CPS1: variants seen among roughly 807,000 people sequenced by gnomAD.
CPS1 encodes carbamoyl-phosphate synthase 1.
A neutral mutation model predicts 174.6 loss-of-function variants in CPS1; 109 were observed. The ratio of observed to expected loss-of-function variants is 0.62; its 90% CI spans 0.53 to 0.73. The LOEUF (loss-of-function observed/expected upper bound fraction) is 0.73, where lower values mean the gene tolerates loss of function less well. Among genes scored for constraint, CPS1 ranks in the 30% least tolerant of loss-of-function variants. The probability of loss-of-function intolerance (pLI) is 0.00; values close to 1 mark genes in which losing one functional copy is unlikely to be tolerated. For synonymous variants in CPS1, 637 were observed against 632.0 expected, an observed-to-expected ratio of 1.01 and a Z score of -0.12; for missense variants, 1,689 against 1,821.9, an observed-to-expected ratio of 0.93 and a Z score of 1.33.
intron 22 of CPS1, among the ~76,000 whole-genome samples, chr2:210,638,304 A>C (rs1221501077): frequency 6.6e-6 from 1 of 152,156 alleles, no homozygotes; most frequent in Non-Finnish European, 1.5e-5. Flanking sequence ...TGGTTCATTT[A>C]GTATTCATTG....
chr2:210,491,307 G>GTTTTTTT lies in CPS1; in HGVS notation c.3+13566_3+13572dup, dbSNP rs66825517. On this transcript the variant is annotated intron_variant, in intron 1 of 38. Coordinates refer to the CPS1 transcript ENST00000430249. The stretch of plus-strand genomic sequence containing the variant: ...GTAAAAGCATGTATTTGGTATCTGT[G>GTTTTTTT]TTTTTTTTTTTTTTTTTTTTTTTTT... Among the ~76,000 whole-genome samples the GTTTTTTT allele has an allele frequency of 1.6e-3, 79 of 50,352 alleles. 14 individuals are homozygous for GTTTTTTT. Among genetic ancestry groups the GTTTTTTT allele is most frequent in the African/African-American group, 7.0e-3 (70 of 9,980 alleles). The allele number at this position is 50,352 out of a possible 152,430, so 33.0% of individuals were successfully genotyped here. A position where few individuals can be genotyped will look rare whatever the true frequency, so the allele number is the denominator to read the frequency against.
At chr2:210,531,018 A>T (rs1359214844) in intron 1 of CPS1, among the ~76,000 whole-genome samples, 1 of 152,126 alleles carries the variant, frequency 6.6e-6, no homozygotes, top group Non-Finnish European at 1.5e-5. Flanking sequence ...TTGTTTAAAT[A>T]CTTTGACAAA....
intron 23 of CPS1, 46 bp downstream of exon 23, chr2:210,639,261 A>T (rs1281697176): frequency 7.3e-7 from 1 of 1,374,878 alleles, no homozygotes; most frequent in Non-Finnish European, 1.0e-6. Context: ...TAGATTTCAT[A>T]GACAGTTCAC....
chr2:210,663,897 C>A (rs561598048), intron 33 of CPS1, among the ~76,000 whole-genome samples: 1 of 152,220 alleles, frequency 6.6e-6, no homozygotes. Context: ...CTCATCAGTG[C>A]ATATCCGAGT....
intron 1 of CPS1, among the ~76,000 whole-genome samples, chr2:210,514,887 GT>G (rs982742256): frequency 9.8e-4 from 139 of 141,920 alleles, no homozygotes; most frequent in African/African-American, 2.3e-3. Context: ...AGTTTGTTGA[GT>G]TTTTTTTTTT....
intron 21 of CPS1, among the ~76,000 whole-genome samples, chr2:210,633,727 T>G (rs1017545980): frequency 2.0e-5 from 3 of 152,178 alleles, no homozygotes; most frequent in African/African-American, 4.8e-5. Flanking sequence ...TAAGAAGGAA[T>G]GCAAACAAAT....
At chr2:210,565,677 G>T (rs565089937) in intron 1 of CPS1, among the ~76,000 whole-genome samples, 1 of 152,086 alleles carries the variant, frequency 6.6e-6, no homozygotes, top group Admixed American at 6.5e-5. Flanking sequence ...TTTTTAGAAA[G>T]TACAGAAAAA....
At chr2:210,500,667 C>G (rs1695114896) in intron 1 of CPS1, among the ~76,000 whole-genome samples, 1 of 152,232 alleles carries the variant, frequency 6.6e-6, no homozygotes, top group African/African-American at 2.4e-5. Context: ...CTTGGCAGCT[C>G]TGCCCCTGTG....
chr2:210,675,756 G>T lies in CPS1; in HGVS notation c.4190G>T (p.Trp1397Leu), dbSNP rs1460868239. 4.4e-6 allele frequency: 7 copies of T among 1,605,566 alleles called. No homozygotes were observed. The highest frequency in any genetic ancestry group is 6.0e-6 in the Non-Finnish European group (7 of 1,172,310). ...TTTGCCACGGAAGCCACATCAGACT[G>T]GCTCAACGCCAACAATGTCCCTGCC... The part of the protein sequence containing the change: ...KLFATEATSD[W>L]LNANNVPATP... The change falls in exon 36 of 38, where the codon TGG becomes TTG. Residue 1397 changes from tryptophan (W) to leucine (L), a missense_variant. Trp to Leu is a moderately conservative substitution (Grantham distance 61). Transcript: ENST00000233072.
At chr2:210,582,765 T>A in intron 6 of CPS1, 56 bp downstream of exon 6, 2 of 1,310,718 alleles carry the variant, frequency 1.5e-6, no homozygotes, top group Non-Finnish European at 2.2e-6. Context: ...TAGACCTTCT[T>A]GAAATATCAA....
chr2:210,595,483 A>G lies in CPS1; in HGVS notation c.1264-4A>G, dbSNP rs756029933. 3.7e-6 allele frequency: 6 copies of G among 1,602,590 alleles called. No individual in the cohort carries two copies. In the South Asian group the frequency reaches 5.5e-5, roughly 15 times the overall value. On this transcript the variant is annotated splice_polypyrimidine_tract_variant and splice_region_variant and intron_variant, in intron 12 of 37. Coordinates refer to ENST00000233072, the MANE Select transcript of CPS1 (RefSeq NM_001875.5). ...TAACAGTGTCTTTTTCTTATTGCTT[A>G]TAGGTTTCCAAAGTCCTTATTCTAG...
In CPS1 at chr2:210,602,297, C is replaced by T; in HGVS notation, c.1803C>T (p.Pro601=). 6.2e-7 allele frequency: 1 copy of T among 1,612,560 alleles called. No homozygotes were observed. The highest frequency in any genetic ancestry group is 1.1e-5 in the South Asian group (1 of 91,066). ...ALGGLGSGIC[P]NRETLMDLST... ...GTGGGTTAGGCTCAGGCATCTGTCCCAACAGAGAGACTTTGATGGACCTCA... is the reference window on the plus strand; with the variant it reads ...GTGGGTTAGGCTCAGGCATCTGTCCTAACAGAGAGACTTTGATGGACCTCA... The change falls in exon 16 of 38, where the codon CCC becomes CCT. Residue 601 remains proline, a synonymous_variant. Coordinates refer to ENST00000233072, the MANE Select transcript of CPS1 (RefSeq NM_001875.5).
chr2:210,608,654 T>A, intron 19 of CPS1, 95 bp downstream of exon 19: 1 of 1,163,910 alleles, frequency 8.6e-7, no homozygotes, highest in Non-Finnish European at 1.3e-6. Flanking sequence ...CTGGATACCA[T>A]CAACACATGG....
chr2:210,615,231 T>G (rs1699268480), intron 20 of CPS1, among the ~76,000 whole-genome samples: 1 of 150,776 alleles, frequency 6.6e-6, no homozygotes, highest in Non-Finnish European at 1.5e-5. Flanking sequence ...GTGCCTTTAA[T>G]CACTTAGAAA....
chr2:210,602,781 T>C (rs543818109), intron 16 of CPS1, among the ~76,000 whole-genome samples: 3 of 152,046 alleles, frequency 2.0e-5, no homozygotes, highest in South Asian at 4.1e-4. Flanking sequence ...ACAAAGCACA[T>C]TGAGTAGTTT....
chr2:210,608,506 C>G lies in CPS1; in HGVS notation c.2338C>G (p.Arg780Gly). Residue 780 changes from arginine to glycine, a missense_variant, in exon 19 of 38, where the codon CGT becomes GGT. Arg to Gly is a moderately radical substitution (Grantham distance 125). Transcript: ENST00000233072. ...CAAGATTCCCCGCTGGGATCTTGAC[C>G]GTTTTCATGGAACATCTAGCCGAAT... ...VTKIPRWDLD[R>G]FHGTSSRIGS... The G allele has an allele frequency of 6.2e-7, 1 of 1,612,166 alleles. No homozygotes were observed. The highest frequency in any genetic ancestry group is 8.5e-7 in the Non-Finnish European group (1 of 1,178,742).
chr2:210,648,692 T>C, intron 27 of CPS1, 152 bp downstream of exon 27: 2 of 724,844 alleles, frequency 2.8e-6, no homozygotes, highest in Non-Finnish European at 4.9e-6. Flanking sequence ...TAAGGACCAA[T>C]GTGTGGTCTT....
chr2:210,534,029 T>C (rs10490319), intron 1 of CPS1, among the ~76,000 whole-genome samples: 26,117 of 152,142 alleles, frequency 0.17, 2,470 homozygotes, highest in Admixed American at 0.26. Context: ...CTTAGTTGGT[T>C]GCTCCTTGAT....
intron 21 of CPS1, among the ~76,000 whole-genome samples, chr2:210,624,933 A>G (rs1401827392): frequency 6.6e-6 from 1 of 152,074 alleles, no homozygotes; most frequent in Non-Finnish European, 1.5e-5. Context: ...TTAAAATAAC[A>G]CATACTCAGA....
Sources: gnomAD v4.1 joint callset for allele counts (sites outside exome capture counted in the v4.1 genomes callset) on GRCh38, gnomAD v4.1.1 for gene constraint, MANE v1.5 for transcripts, NCBI Gene and HGNC (gene_info 2026-07-23, HGNC 2026-07-21) for gene names.